Variants in NACC2 observed in about 807,000 individuals in gnomAD.
NACC2 encodes the protein NACC family member 2.
NACC2 carries 8 observed loss-of-function variants against 25.1 expected under a neutral mutation model. The ratio of observed to expected loss-of-function variants is 0.32; its 90% CI spans 0.19 to 0.57. The LOEUF (loss-of-function observed/expected upper bound fraction) is 0.57. NACC2 is among the 20% of genes least tolerant of loss of function. The probability of loss-of-function intolerance (pLI) is 0.89; values close to 1 mark genes in which losing one functional copy is unlikely to be tolerated. For missense variants in NACC2, 644 were observed against 650.2 expected (o/e 0.99, Z 0.10); for synonymous variants, 435 against 294.7 (o/e 1.48, Z -4.88).
At chr9:136,054,370 C>T (rs2131166131) in intron 1 of NACC2, among the ~76,000 whole-genome samples, 1 of 152,340 alleles carries the variant, frequency 6.6e-6, no homozygotes, top group East Asian at 1.9e-4. Context: ...GTCCTCAGGC[C>T]ACCTGCACCG....
In NACC2 at chr9:136,007,076, T is replaced by C. The variant is rs560865911; in HGVS notation, c.*4440A>G. ...AAGTCAAAAATATTTATACATTTTA[T>C]ACTTAGTTCTTTTTTTTGTCTGCTA... On this transcript the variant is annotated 3_prime_UTR_variant, in exon 6 of 6. Coordinates refer to ENST00000277554, the MANE Select transcript of NACC2 (RefSeq NM_144653.5). The C allele has an allele frequency of 6.5e-6, 1 of 154,532 alleles. No homozygotes were observed. The highest frequency in any genetic ancestry group is 1.9e-4 in the East Asian group (1 of 5,178). The allele number at this position is 154,532 out of a possible 1,614,324, so 9.6% of individuals were successfully genotyped here.
chr9:136,061,193 G>A (rs1253428238), intron 1 of NACC2, among the ~76,000 whole-genome samples: 1 of 152,168 alleles, frequency 6.6e-6, no homozygotes, highest in Non-Finnish European at 1.5e-5. Flanking sequence ...GACTGTGCCG[G>A]CTACCGGGGT....
intron 1 of NACC2, among the ~76,000 whole-genome samples, chr9:136,076,534 G>A (rs1337648834): frequency 1.3e-5 from 2 of 152,162 alleles, no homozygotes; most frequent in African/African-American, 4.8e-5. Flanking sequence ...TCCAGGGGCT[G>A]GGGGACTGCG....
intron 1 of NACC2, among the ~76,000 whole-genome samples, chr9:136,079,360 G>T (rs576236544): frequency 1.3e-3 from 203 of 152,294 alleles, no homozygotes; most frequent in African/African-American, 4.8e-3. Flanking sequence ...TGGCTTCCAG[G>T]CAGGAGACAC....
At chr9:136,053,125 CGGA>C (rs1840872789) in intron 1 of NACC2, among the ~76,000 whole-genome samples, 1 of 152,212 alleles carries the variant, frequency 6.6e-6, no homozygotes, top group African/African-American at 2.4e-5. Flanking sequence ...CAGCAGGATG[CGGA>C]GGAGGCCCGA....
chr9:136,014,273 C>T (rs1200542732), intron 3 of NACC2, among the ~76,000 whole-genome samples: 2 of 152,152 alleles, frequency 1.3e-5, no homozygotes, highest in East Asian at 1.9e-4. Flanking sequence ...GGCCATGCTG[C>T]GGTCCCCGGC....
Position 136,020,959 on chromosome 9 carries a change from G to A in NACC2, c.887-4530C>T, listed in dbSNP as rs1333577368. ...GCACCCTACACAAAAACTGCAGAAG[G>A]TCTTTATGAGCTTAGGTTAAGCTAA... On this transcript the variant is annotated intron_variant, in intron 2 of 5. Coordinates refer to ENST00000277554, the MANE Select transcript of NACC2 (RefSeq NM_144653.5). This position sits in a 1 kb window ranked among gnomAD's most constrained non-coding sequence, Gnocchi z 4.7. Among the ~76,000 whole-genome samples, 1 of 152,070 alleles carries A rather than the reference G, an allele frequency of 6.6e-6. No homozygotes were observed. Among genetic ancestry groups the A allele is most frequent in the East Asian group, 1.9e-4 (1 of 5,184 alleles).
intron 1 of NACC2, among the ~76,000 whole-genome samples, chr9:136,077,750 A>G (rs1316105158): frequency 3.3e-5 from 5 of 152,244 alleles, no homozygotes; most frequent in Non-Finnish European, 7.3e-5. Context: ...ACCGGGGAGC[A>G]GGCAAGGGGG....
chr9:136,031,324 C>CTCATTCATTCATTCATTCATTCAT (rs140651085), intron 2 of NACC2, among the ~76,000 whole-genome samples: 25 of 150,590 alleles, frequency 1.7e-4, no homozygotes, highest in Non-Finnish European at 2.4e-4. Flanking sequence ...ACTCCACAGC[C>CTCATTCATTCATTCATTCATTCAT]TCATTCATTC....
intron 2 of NACC2, among the ~76,000 whole-genome samples, chr9:136,044,063 G>A (rs1186620186): frequency 6.6e-6 from 1 of 152,170 alleles, no homozygotes; most frequent in Non-Finnish European, 1.5e-5. Context: ...GACCTTAAGA[G>A]ATCTGCCCAC....
intron 1 of NACC2, among the ~76,000 whole-genome samples, chr9:136,090,268 A>G (rs1028910863): frequency 6.6e-6 from 1 of 152,136 alleles, no homozygotes; most frequent in Non-Finnish European, 1.5e-5. Context: ...GGTCCCTGGG[A>G]GGAGGAAGAT....
chr9:136,053,434 C>T (rs1425227298), intron 1 of NACC2, among the ~76,000 whole-genome samples: 23 of 152,156 alleles, frequency 1.5e-4, no homozygotes, highest in Non-Finnish European at 8.8e-5. Context: ...GAAACGTCCC[C>T]ACTCGGCCAT....
In NACC2 at chr9:136,032,289, T is replaced by C. The variant is rs150458921; in HGVS notation, c.887-15860A>G. ...TTTCAATATTTGGAAAAGCAGTCAA[T>C]GCAACTAAGCACATTAGCAGGGCAG... is the stretch of plus-strand genomic sequence containing the variant. On this transcript the variant is annotated intron_variant, in intron 2 of 5. Transcript: ENST00000277554. 3.4e-4 allele frequency among the ~76,000 whole-genome samples: 52 copies of C among 152,254 alleles called. No individual in the cohort carries two copies. The East Asian group carries it at 0.01, about 29-fold the overall frequency.
intron 1 of NACC2, among the ~76,000 whole-genome samples, chr9:136,078,868 C>A (rs936422387): frequency 6.6e-6 from 1 of 152,210 alleles, no homozygotes; most frequent in Non-Finnish European, 1.5e-5. Flanking sequence ...CTTGTCCAGG[C>A]GACCTTGTGG....
At chr9:136,039,856 T>A (rs1840602211) in intron 2 of NACC2, among the ~76,000 whole-genome samples, 1 of 151,634 alleles carries the variant, frequency 6.6e-6, no homozygotes, top group East Asian at 1.9e-4. Context: ...CAAAGAGATG[T>A]TTGCTTTCAC....
rs573830218 is a variant in NACC2, at chr9:136,007,510, C to T, written c.*4006G>A. The stretch of plus-strand genomic sequence containing the variant: ...ACGCACAGACACACACATGCACAGA[C>T]GCGCACACACAGACGCACAGACGTG... On this transcript the variant is annotated 3_prime_UTR_variant, in exon 6 of 6. Transcript: ENST00000277554. The T allele has an allele frequency of 3.6e-3, 289 of 79,856 alleles. 1 individual carries two copies. Among genetic ancestry groups the T allele is most frequent in the African/African-American group, 7.5e-3 (222 of 29,606 alleles). 4.9% of individuals were successfully genotyped at this position (79,856 alleles called of 1,614,324 possible).
intron 1 of NACC2, among the ~76,000 whole-genome samples, chr9:136,066,123 G>A (rs1841077649): frequency 6.6e-6 from 1 of 150,794 alleles, no homozygotes; most frequent in African/African-American, 2.4e-5. Flanking sequence ...AGCCCGGGAG[G>A]CAGAGGTTGC....
In NACC2 at chr9:136,042,598, G is replaced by C. The variant is rs972013844; in HGVS notation, c.886+7038C>G. ...ACATGAACCATCCACTAGACCATCAGAGCAAAACTGTTAAGACTTTTGCAA... is the reference window on the plus strand; with the variant it reads ...ACATGAACCATCCACTAGACCATCACAGCAAAACTGTTAAGACTTTTGCAA... On this transcript the variant is annotated intron_variant, in intron 2 of 5. Transcript: ENST00000277554. Among the ~76,000 whole-genome samples, 4 of 152,130 alleles carry C rather than the reference G, an allele frequency of 2.6e-5. No individual in the cohort carries two copies. The South Asian group carries it at 8.3e-4, about 32-fold the overall frequency.
chr9:136,032,897 A>C (rs1840494441), intron 2 of NACC2, among the ~76,000 whole-genome samples: 1 of 152,178 alleles, frequency 6.6e-6, no homozygotes, highest in Non-Finnish European at 1.5e-5. Context: ...AGGCGCCTGT[A>C]ATCCCAGCTA....
Sources: gnomAD v4.1 joint callset for allele counts (sites outside exome capture counted in the v4.1 genomes callset) on GRCh38, gnomAD v4.1.1 for gene constraint, Gnocchi (gnomAD v3.1) non-coding constraint, MANE v1.5 for transcripts, NCBI Gene and HGNC (gene_info 2026-07-23, HGNC 2026-07-21) for gene names.